HMGN2: variants seen among roughly 807,000 people sequenced by gnomAD.
HMGN2 encodes the protein high mobility group nucleosomal binding domain 2, also known as non-histone chromosomal protein HMG-17.
A neutral mutation model predicts 16.9 loss-of-function variants in HMGN2; 2 were observed. The observed-to-expected ratio is 0.12, with a 90% confidence interval of 0.05 to 0.37. The LOEUF is 0.37. Among genes scored for constraint, HMGN2 ranks in the 10% least tolerant of loss-of-function variants. HMGN2 has a pLI of 1.00. For missense variants in HMGN2, 90 were observed against 106.0 expected, an observed-to-expected ratio of 0.85 and a Z score of 0.66; for synonymous variants, 31 against 34.9, an observed-to-expected ratio of 0.89 and a Z score of 0.39.
Position 26,472,720 on chromosome 1 carries a change from C to T in HMGN2, c.15+93C>T, listed in dbSNP as rs918732824. On this transcript the variant is annotated intron_variant, in intron 1 of 5. Transcript: ENST00000361427. ...GCAGGGAGCGAGAATCGGCGCCGAG[C>T]AGGAGCCAGCGCAGCCTCCCCGCGC... The T allele has an allele frequency of 3.4e-6, 4 of 1,187,416 alleles. No individual in the cohort carries two copies. The African/African-American group carries it at 4.8e-5, about 14-fold the overall frequency. The allele number at this position is 1,187,416 out of a possible 1,614,324, so 73.6% of individuals were successfully genotyped here.
At chr1:26,474,262 C>T (rs2075593906) in intron 4 of HMGN2, 127 bp downstream of exon 4, 1 of 679,822 alleles carries the variant, frequency 1.5e-6, no homozygotes. Flanking sequence ...TTACCTCGTC[C>T]GTGTCATTCA....
chr1:26,473,089 G>A (rs2075584914), intron 1 of HMGN2: 3 of 237,382 alleles, frequency 1.3e-5, no homozygotes, highest in Non-Finnish European at 2.5e-5. Flanking sequence ...CACGTTCCCC[G>A]CGCACGAGAC....
intron 3 of HMGN2, 42 bp downstream of exon 3, chr1:26,473,774 TA>T: frequency 6.3e-7 from 1 of 1,586,956 alleles, no homozygotes; most frequent in Non-Finnish European, 8.7e-7. Context: ...TCCCTGAAAC[TA>T]AAAAACATCA....
At chr1:26,473,228 G>T in intron 1 of HMGN2, 1 of 521,612 alleles carries the variant, frequency 1.9e-6, no homozygotes, top group Non-Finnish European at 3.4e-6. Flanking sequence ...TGCAGCTGTT[G>T]CTCCTGCCTG....
chr1:26,475,338 C>T lies in HMGN2; in HGVS notation c.*190C>T. 1 of 465,714 alleles carries T rather than the reference C, an allele frequency of 2.1e-6. No individual in the cohort carries two copies. The highest frequency in any genetic ancestry group is 3.8e-6 in the Non-Finnish European group (1 of 261,788). 28.8% of individuals were successfully genotyped at this position (465,714 alleles called of 1,614,324 possible). On this transcript the variant is annotated 3_prime_UTR_variant, in exon 6 of 6. Coordinates refer to ENST00000361427, the MANE Select transcript of HMGN2 (RefSeq NM_005517.4). ...GGGGCATATGTCACTAATAGAATGT[C>T]TCCAAAGCTGGATTGATGTGGAGAA...
chr1:26,474,585 T>G lies in HMGN2; in HGVS notation c.155T>G (p.Val52Gly). The G allele has an allele frequency of 6.4e-7, 1 of 1,555,780 alleles. No individual in the cohort carries two copies. The highest frequency in any genetic ancestry group is 8.9e-7 in the Non-Finnish European group (1 of 1,129,312). ...CCCCTTTTTCAGAAGGGAGAGAAGG[T>G]ACCCAAAGGGAAAAAGGGAAAAGCT... ...KKAPAKKGEK[V>G]PKGKKGKADA... The change falls in exon 5 of 6, where the codon GTA becomes GGA. Residue 52 changes from valine (V) to glycine (G), a missense_variant. Val to Gly is a moderately radical substitution (Grantham distance 109). Coordinates refer to ENST00000361427, the MANE Select transcript of HMGN2 (RefSeq NM_005517.4).
intron 4 of HMGN2, among the ~76,000 whole-genome samples, chr1:26,474,345 C>G (rs969871003): frequency 2.0e-5 from 3 of 152,122 alleles, no homozygotes; most frequent in African/African-American, 7.2e-5. Context: ...TTAAATACCC[C>G]AGGGTTTAAA....
chr1:26,473,329 G>A, intron 1 of HMGN2, 154 bp from the exon 2 acceptor site: 1 of 617,756 alleles, frequency 1.6e-6, no homozygotes. Context: ...TCCTGCGCGC[G>A]CTTCGTTCTT....
intron 5 of HMGN2, chr1:26,474,890 A>C (rs1046671137): frequency 1.6e-6 from 1 of 608,590 alleles, no homozygotes. Flanking sequence ...GAGTAACCTC[A>C]GGTCTCTTAT....
intron 5 of HMGN2, 59 bp downstream of exon 5, chr1:26,474,726 A>G: frequency 1.2e-6 from 1 of 822,946 alleles, no homozygotes; most frequent in African/African-American, 1.7e-5. Context: ...GCTGATATCA[A>G]AAATTTAATT....
chr1:26,474,125 C>T lies in HMGN2; in HGVS notation c.131C>T (p.Ala44Val). 2 of 1,608,414 alleles carry T rather than the reference C, an allele frequency of 1.2e-6. No homozygotes were observed. Among genetic ancestry groups the T allele is most frequent in the Non-Finnish European group, 1.7e-6 (2 of 1,178,052 alleles). The change falls in exon 4 of 6, where the codon GCC (alanine) becomes GTC (valine). Residue 44 changes from alanine (A) to valine (V), a missense_variant. Ala to Val is a moderately conservative substitution (Grantham distance 64). Coordinates refer to ENST00000361427, the MANE Select transcript of HMGN2 (RefSeq NM_005517.4). ...AAGCCAGAGCCCAAGCCTAAAAAGG[C>T]CCCTGCAAAGGTAAGTGCTAACATT... ...PPKPEPKPKKAPAKKGEKVPK... is the reference protein window; with the variant it reads ...PPKPEPKPKKVPAKKGEKVPK...
In HMGN2 at chr1:26,474,662, G is replaced by A. The variant is rs771089729; in HGVS notation, c.232G>A (p.Asp78Asn). The change falls in exon 5 of 6, where the codon GAC becomes AAC. Residue 78 changes from aspartate (D) to asparagine (N), a missense_variant. Asp to Asn is a conservative substitution (Grantham distance 23, BLOSUM62 1). Transcript: ENST00000361427. ...TGCAGAAAATGGAGATGCCAAAACA[G>A]ACCAGGTATAACTGCTGTTTCACCC... is the stretch of plus-strand genomic sequence containing the variant. ...NPAENGDAKT[D>N]QAQKAEGAGD... 6.0e-6 allele frequency: 9 copies of A among 1,490,250 alleles called. No homozygotes were observed. Among genetic ancestry groups the A allele is most frequent in the East Asian group, 4.5e-5 (2 of 44,276 alleles). 92.3% of individuals were successfully genotyped at this position (1,490,250 alleles called of 1,614,324 possible).
At chr1:26,474,250 G>GCTTACCTC in intron 4 of HMGN2, 115 bp downstream of exon 4, 2 of 732,026 alleles carry the variant, frequency 2.7e-6, no homozygotes, top group Middle Eastern at 3.9e-4. Context: ...TGTGTGGATA[G>GCTTACCTC]CTTACCTCGT....
intron 3 of HMGN2, 53 bp downstream of exon 3, chr1:26,473,785 A>C (rs2075591232): frequency 6.5e-7 from 1 of 1,532,732 alleles, no homozygotes; most frequent in Non-Finnish European, 9.0e-7. Flanking sequence ...AAAAAACATC[A>C]AAAAACAATT....
chr1:26,473,090 C>A, intron 1 of HMGN2: 1 of 250,838 alleles, frequency 4.0e-6, no homozygotes, highest in Non-Finnish European at 7.7e-6. Flanking sequence ...ACGTTCCCCG[C>A]GCACGAGACG....
intron 1 of HMGN2, 106 bp downstream of exon 1, chr1:26,472,733 A>G (rs2075579242): frequency 4.9e-6 from 5 of 1,026,718 alleles, no homozygotes; most frequent in Non-Finnish European, 6.8e-6. Context: ...GAGCCAGCGC[A>G]GCCTCCCCGC....
chr1:26,472,542 C>A lies in HMGN2; in HGVS notation c.-71C>A. The stretch of plus-strand genomic sequence containing the variant: ...AGAAGAGGCGAGAACGACCCCCGGA[C>A]CGACCAAAGCCCGCGCGCCGCTGCA... On this transcript the variant is annotated 5_prime_UTR_variant, in exon 1 of 6. Transcript: ENST00000361427. The A allele has an allele frequency of 1.3e-6, 2 of 1,529,822 alleles. No homozygotes were observed. The highest frequency in any genetic ancestry group is 1.4e-5 in the African/African-American group (1 of 72,794). 94.8% of individuals were successfully genotyped at this position (1,529,822 alleles called of 1,614,324 possible). A position where few individuals can be genotyped will look rare whatever the true frequency, so the allele number is the denominator to read the frequency against.
At chr1:26,473,556 G>A (rs764349868) in intron 2 of HMGN2, 29 bp downstream of exon 2, 3 of 1,592,538 alleles carry the variant, frequency 1.9e-6, no homozygotes, top group Non-Finnish European at 2.6e-6. Context: ...AAGGGTCAAA[G>A]CCTTGGACTA....
chr1:26,473,661 A>T, intron 2 of HMGN2, 42 bp from the exon 3 acceptor site: 1 of 1,609,260 alleles, frequency 6.2e-7, no homozygotes, highest in Non-Finnish European at 8.5e-7. Context: ...TTTCAAAGCG[A>T]CTTACCTGTC....
Sources: allele counts gnomAD v4.1 joint callset (sites outside exome capture counted in the v4.1 genomes callset), GRCh38; gene constraint gnomAD v4.1.1; transcripts MANE v1.5; gene names NCBI Gene and HGNC (gene_info 2026-07-23, HGNC 2026-07-21).